The following CCDC7 variants were observed in gnomAD, a reference collection of about 807,000 sequenced individuals.
CCDC7 encodes the protein coiled-coil domain-containing protein 7.
In CCDC7, 183 loss-of-function variants were observed where a neutral mutation model predicts 196.9. The ratio of observed to expected loss-of-function variants is 0.93; its 90% CI spans 0.82 to 1.05. The LOEUF (loss-of-function observed/expected upper bound fraction) is 1.05, where lower values mean the gene tolerates loss of function less well. CCDC7 is among the 50% of genes least tolerant of loss of function. The probability of loss-of-function intolerance (pLI) is 0.00; values close to 1 mark genes in which losing one functional copy is unlikely to be tolerated. For missense variants in CCDC7, 1,540 were observed against 1,482.2 expected, an observed-to-expected ratio of 1.04 and a Z score of -0.64; for synonymous variants, 525 against 484.6, an observed-to-expected ratio of 1.08 and a Z score of -1.10.
chr10:32,539,966 G>C (rs537988164), intron 11 of CCDC7, among the ~76,000 whole-genome samples: 4 of 152,138 alleles, frequency 2.6e-5, no homozygotes, highest in Non-Finnish European at 5.9e-5. Flanking sequence ...ATGTCGTGAT[G>C]AGAAGAATGT....
intron 24 of CCDC7, among the ~76,000 whole-genome samples, chr10:32,706,737 C>A (rs1392477628): frequency 6.6e-6 from 1 of 152,176 alleles, no homozygotes; most frequent in Non-Finnish European, 1.5e-5. Context: ...GGATAAATTC[C>A]TGGACACATA....
chr10:32,651,394 A>G (rs887570362), intron 20 of CCDC7, among the ~76,000 whole-genome samples: 1 of 152,098 alleles, frequency 6.6e-6, no homozygotes, highest in East Asian at 1.9e-4. Context: ...ATTGGTTCAA[A>G]TTATGTTGGT....
At chr10:32,642,281 G>A (rs2066954354) in intron 20 of CCDC7, among the ~76,000 whole-genome samples, 1 of 152,234 alleles carries the variant, frequency 6.6e-6, no homozygotes, top group East Asian at 1.9e-4. Flanking sequence ...ACCTCCTTGA[G>A]CTGTGGTGGG....
intron 9 of CCDC7, among the ~76,000 whole-genome samples, chr10:32,497,691 G>A (rs567423145): frequency 2.0e-5 from 3 of 152,150 alleles, no homozygotes; most frequent in Non-Finnish European, 4.4e-5. Flanking sequence ...TTTTCATGTA[G>A]TTGTTTGGTT....
chr10:32,736,813 G>A (rs2084943294), intron 28 of CCDC7, among the ~76,000 whole-genome samples: 1 of 151,832 alleles, frequency 6.6e-6, no homozygotes, highest in Non-Finnish European at 1.5e-5. Context: ...TGCTGTTGTT[G>A]AGCAAAAACA....
intron 20 of CCDC7, among the ~76,000 whole-genome samples, chr10:32,661,617 C>T (rs2071468863): frequency 6.6e-6 from 1 of 152,074 alleles, no homozygotes; most frequent in South Asian, 2.1e-4. Context: ...GGACTGAATT[C>T]TTCTCTTGAA....
intron 35 of CCDC7, 86 bp from the exon 37 acceptor site, chr10:32,845,790 C>CAT: frequency 9.4e-7 from 1 of 1,063,502 alleles, no homozygotes; most frequent in Non-Finnish European, 1.4e-6. Context: ...CACACACACA[C>CAT]ACACATACAC....
rs2037851169 is a variant in CCDC7, at chr10:32,471,105, A to G, written c.552A>G (p.Lys184=). Residue 184 remains lysine, a synonymous_variant, in exon 6 of 42, where the codon AAA becomes AAG. Transcript: ENST00000639629. ...CTCTTTTACAAGCAGAGCCTCCAAA[A>G]CCTGACAAAACAGTCATTTTAAATA... 6 of 1,611,574 alleles carry G rather than the reference A, an allele frequency of 3.7e-6. No individual in the cohort carries two copies. The African/African-American group carries it at 5.3e-5, about 14-fold the overall frequency.
rs533668210 is a variant in CCDC7, at chr10:32,519,782, A to G, written c.993+1277A>G. ...ATGTACAATTAAATCACTATTGACT[A>G]TTGTCCCCCTGTTGTGCTATCAAAT... On this transcript the variant is annotated intron_variant, in intron 11 of 41. Coordinates refer to ENST00000639629, the Ensembl canonical transcript of CCDC7. Among the ~76,000 whole-genome samples the G allele has an allele frequency of 9.2e-5, 14 of 152,078 alleles. 1 individual carries two copies. The highest frequency in any genetic ancestry group is 5.9e-4 in the Admixed American group (9 of 15,264).
intron 18 of CCDC7, among the ~76,000 whole-genome samples, chr10:32,610,379 C>G (rs1270079025): frequency 6.6e-6 from 1 of 152,212 alleles, no homozygotes; most frequent in Non-Finnish European, 1.5e-5. Flanking sequence ...GCTGGGATTA[C>G]AGGCGTGAGC....
At chr10:32,870,848 A>G (rs1188079606) in intron 41 of CCDC7, among the ~76,000 whole-genome samples, 1 of 152,088 alleles carries the variant, frequency 6.6e-6, no homozygotes, top group African/African-American at 2.4e-5. Context: ...ATCTATTGAG[A>G]TTATCATATG....
At chr10:32,786,901 C>A (rs1176081523) in intron 29 of CCDC7, among the ~76,000 whole-genome samples, 1 of 151,950 alleles carries the variant, frequency 6.6e-6, no homozygotes, top group Non-Finnish European at 1.5e-5. Context: ...TAAACAATAT[C>A]CTTAGTTGAA....
At chr10:32,700,568 G>A (rs2078527020) in intron 24 of CCDC7, among the ~76,000 whole-genome samples, 1 of 152,194 alleles carries the variant, frequency 6.6e-6, no homozygotes, top group African/African-American at 2.4e-5. Flanking sequence ...GAACTTTAAA[G>A]TAGTTTACTC....
intron 1 of CCDC7, among the ~76,000 whole-genome samples, chr10:32,452,718 A>G (rs1349556662): frequency 6.6e-6 from 1 of 152,176 alleles, no homozygotes; most frequent in Non-Finnish European, 1.5e-5. Context: ...TTGGCCTCCC[A>G]AAGTGCTGGG....
chr10:32,506,813 G>A (rs531261410), intron 9 of CCDC7, among the ~76,000 whole-genome samples: 10 of 151,350 alleles, frequency 6.6e-5, no homozygotes, highest in South Asian at 6.2e-4. Context: ...GATCATGGCA[G>A]TACAGTCCAG....
intron 11 of CCDC7, among the ~76,000 whole-genome samples, chr10:32,532,386 A>T (rs1436431771): frequency 2.0e-5 from 3 of 152,122 alleles, no homozygotes; most frequent in Non-Finnish European, 4.4e-5. Flanking sequence ...ATTCTATTTA[A>T]GTTACAAATT....
At chr10:32,616,664 T>C (rs1251502703) in intron 18 of CCDC7, among the ~76,000 whole-genome samples, 1 of 151,798 alleles carries the variant, frequency 6.6e-6, no homozygotes, top group Non-Finnish European at 1.5e-5. Context: ...TGTTTTCTCT[T>C]GCATGATTGC....
At chr10:32,653,773 A>G (rs2069232713) in intron 20 of CCDC7, among the ~76,000 whole-genome samples, 1 of 152,232 alleles carries the variant, frequency 6.6e-6, no homozygotes, top group African/African-American at 2.4e-5. Context: ...AAACAATTTC[A>G]TATCACAATT....
intron 8 of CCDC7, among the ~76,000 whole-genome samples, chr10:32,484,648 C>G (rs1328016926): frequency 6.6e-6 from 1 of 152,050 alleles, no homozygotes; most frequent in African/African-American, 2.4e-5. Context: ...ATAAATAGCT[C>G]TTATTATTTT....
Sources: allele counts gnomAD v4.1 joint callset (sites outside exome capture counted in the v4.1 genomes callset), GRCh38; gene constraint gnomAD v4.1.1; transcripts MANE v1.5; gene names NCBI Gene and HGNC (gene_info 2026-07-23, HGNC 2026-07-21).